CHAT: variants seen among roughly 807,000 people sequenced by gnomAD.
CHAT encodes acetyl CoA:choline O-acetyltransferase.
Under a neutral mutation model 76.9 loss-of-function variants are expected in CHAT, and 61 were observed. The observed-to-expected ratio is 0.79, with a 90% CI of 0.65 to 0.98. The LOEUF is 0.98. Among genes scored for constraint, CHAT ranks in the 50% least tolerant of loss-of-function variants. CHAT has a pLI of 0.00. For missense variants in CHAT, 946 were observed against 986.9 expected (o/e 0.96, Z 0.56); for synonymous variants, 407 against 397.4 (o/e 1.02, Z -0.29).
Position 49,620,580 on chromosome 10 carries a change from G to A in CHAT, c.665G>A (p.Arg222Gln), listed in dbSNP as rs8178989. ...TCCAGCCCTGCCGTGATCTTTGCTC[G>A]GCAGCACTTCCCTGGCACCGATGAC... ...VNSSPAVIFA[R>Q]QHFPGTDDQL... The change falls in exon 4 of 15, where the codon CGG becomes CAG. Residue 222 changes from arginine to glutamine, a missense_variant. By Grantham distance (43) the Arg-to-Gln change is conservative (BLOSUM62 1). Coordinates refer to ENST00000337653, the MANE Select transcript of CHAT (RefSeq NM_020549.5). 131 of 1,613,610 alleles carry A rather than the reference G, an allele frequency of 8.1e-5. 3 individuals are homozygous for A. In the South Asian group the frequency reaches 9.2e-4, roughly 11 times the overall value.
intron 13 of CHAT, among the ~76,000 whole-genome samples, chr10:49,656,283 G>GT (rs566849400): frequency 1.6e-4 from 19 of 121,252 alleles, no homozygotes; most frequent in African/African-American, 6.1e-4. Flanking sequence ...TATTCAGTGG[G>GT]TTTTTTTTTT....
chr10:49,657,519 C>G (rs918805903), intron 13 of CHAT, among the ~76,000 whole-genome samples: 8 of 152,146 alleles, frequency 5.3e-5, no homozygotes, highest in Middle Eastern at 3.2e-3. Context: ...ACTAGCCCCC[C>G]TCCCCAGTGG....
At chr10:49,637,424 CAT>C (rs1839330989) in intron 7 of CHAT, 1 of 152,182 alleles carries the variant, frequency 6.6e-6, no homozygotes, top group Non-Finnish European at 1.5e-5. Context: ...GTAATCCCCA[CAT>C]GTCAAGGGAG....
At position 49,647,790 on chromosome 10, in the gene CHAT, TC is replaced by T. The variant is rs1839726700; in HGVS notation, c.1282-715del. 3 of 78,696 alleles carry T rather than the reference TC, an allele frequency of 3.8e-5. No individual in the cohort carries two copies. In the South Asian group the frequency reaches 1.0e-3, roughly 27 times the overall value. 4.9% of individuals were successfully genotyped at this position (78,696 alleles called of 1,614,324 possible). On this transcript the variant is annotated intron_variant, in intron 8 of 14. Transcript: ENST00000337653. ...TTCCTTCCTTCCTTCCTTCCTTCCTTCCTTCCTTCCTTCCTTCCTTTTAGTG... is the reference window on the plus strand; with the variant it reads ...TTCCTTCCTTCCTTCCTTCCTTCCTTCTTCCTTCCTTCCTTCCTTTTAGTG...
intron 7 of CHAT, among the ~76,000 whole-genome samples, chr10:49,636,202 T>C (rs917367514): frequency 2.0e-5 from 3 of 152,206 alleles, no homozygotes; most frequent in African/African-American, 7.2e-5. Context: ...ACTAGTTCAA[T>C]AAGAGATTTT....
chr10:49,633,855 T>A (rs920872889), intron 7 of CHAT, among the ~76,000 whole-genome samples: 1 of 152,092 alleles, frequency 6.6e-6, no homozygotes, highest in Non-Finnish European at 1.5e-5. Context: ...TCCCCGACAG[T>A]CAATTAGAGC....
intron 13 of CHAT, among the ~76,000 whole-genome samples, chr10:49,656,423 A>G (rs940025328): frequency 6.6e-6 from 1 of 152,000 alleles, no homozygotes; most frequent in Non-Finnish European, 1.5e-5. Context: ...AGGCCCTTCA[A>G]CGTGAACACC....
At chr10:49,627,870 C>T in intron 7 of CHAT, 85 bp downstream of exon 7, 1 of 1,460,568 alleles carries the variant, frequency 6.8e-7, no homozygotes, top group Non-Finnish European at 9.3e-7. Flanking sequence ...GGGCCAGGGC[C>T]TCATCCCCAT....
chr10:49,663,096 G>C (rs1410290426), intron 14 of CHAT, among the ~76,000 whole-genome samples: 1 of 152,080 alleles, frequency 6.6e-6, no homozygotes, highest in Non-Finnish European at 1.5e-5. Context: ...TGGGCATGGT[G>C]GTGCGTGCCT....
intron 9 of CHAT, among the ~76,000 whole-genome samples, chr10:49,649,244 C>T (rs1839784686): frequency 6.6e-6 from 1 of 152,166 alleles, no homozygotes; most frequent in African/African-American, 2.4e-5. Context: ...GTAACATGGT[C>T]TAATAGGAAA....
At chr10:49,619,475 T>C (rs1180212640) in intron 2 of CHAT, among the ~76,000 whole-genome samples, 1 of 152,204 alleles carries the variant, frequency 6.6e-6, no homozygotes, top group Non-Finnish European at 1.5e-5. Flanking sequence ...CCCAGGTCTG[T>C]CTGATGCCAA....
intron 6 of CHAT, among the ~76,000 whole-genome samples, chr10:49,627,122 C>T (rs1027440043): frequency 6.6e-6 from 1 of 152,226 alleles, no homozygotes; most frequent in South Asian, 2.1e-4. Context: ...CTTAGCCATT[C>T]CCCTTCTGGA....
At chr10:49,619,560 A>G (rs1328365090) in intron 2 of CHAT, among the ~76,000 whole-genome samples, 165 bp from the exon 3 acceptor site, 1 of 152,154 alleles carries the variant, frequency 6.6e-6, no homozygotes, top group Non-Finnish European at 1.5e-5. Flanking sequence ...GCCAAACAGG[A>G]ACTTCCTAAA....
intron 4 of CHAT, among the ~76,000 whole-genome samples, chr10:49,621,852 T>TG (rs1480291421): frequency 2.6e-5 from 4 of 151,228 alleles, no homozygotes; most frequent in Admixed American, 1.3e-4. Flanking sequence ...GGCATGGGGC[T>TG]GGGGGGCAAG....
rs765943808 is a variant in CHAT, at chr10:49,655,437, T to A, written c.1828T>A (p.Tyr610Asn). The A allele has an allele frequency of 2.5e-6, 4 of 1,614,010 alleles. No individual in the cohort carries two copies. The South Asian group carries it at 4.4e-5, about 18-fold the overall frequency. Residue 610 changes from tyrosine (Y) to asparagine (N), a missense_variant, in exon 13 of 15, where the codon TAC becomes AAC. Transcript: ENST00000337653. Reference protein sequence around the residue: ...LKDAIRAQTAYTVMAITGMAI... With the variant: ...LKDAIRAQTANTVMAITGMAI... ...GGATGCCATCCGTGCCCAGACTGCA[T>A]ACACAGTCATGGTGAGTGACGTCGC...
chr10:49,646,362 G>A, intron 7 of CHAT, 143 bp from the exon 8 acceptor site: 1 of 1,023,668 alleles, frequency 9.8e-7, no homozygotes, highest in Non-Finnish European at 1.5e-6. Flanking sequence ...AGTGGGGCAA[G>A]GTGGGGGGTC....
rs751343716 is a variant in CHAT, at chr10:49,616,458, C to T, written c.287-44C>T. The stretch of plus-strand genomic sequence containing the variant: ...GGGAGGTGGAGGGTTTGTGACAGGC[C>T]TATGTGGCTGCTGTGTTGATGCTTC... On this transcript the variant is annotated intron_variant, in intron 1 of 14. Coordinates refer to ENST00000337653, the MANE Select transcript of CHAT (RefSeq NM_020549.5). The T allele has an allele frequency of 2.4e-5, 35 of 1,454,940 alleles. No homozygotes were observed. The South Asian group carries it at 3.9e-4, about 16-fold the overall frequency. The allele number at this position is 1,454,940 out of a possible 1,614,324, so 90.1% of individuals were successfully genotyped here. A position where few individuals can be genotyped will look rare whatever the true frequency, so the allele number is the denominator to read the frequency against.
intron 4 of CHAT, among the ~76,000 whole-genome samples, chr10:49,621,489 T>TC (rs563483267): frequency 4.6e-5 from 7 of 152,312 alleles, no homozygotes; most frequent in Admixed American, 3.9e-4. Flanking sequence ...GTATGACAGT[T>TC]CCCGCTGCTC....
chr10:49,612,439 C>A (rs1590546799), upstream of CHAT: 11 of 1,189,994 alleles, frequency 9.2e-6, no homozygotes, highest in African/African-American at 3.1e-5. Context: ...CCTCCTCCAG[C>A]GAGTACCCCA....
Sources: gnomAD v4.1 joint callset for allele counts (sites outside exome capture counted in the v4.1 genomes callset) on GRCh38, gnomAD v4.1.1 for gene constraint, MANE v1.5 for transcripts, NCBI Gene and HGNC (gene_info 2026-07-23, HGNC 2026-07-21) for gene names.